Variants in SMARCAD1 observed in about 807,000 individuals in gnomAD.
SMARCAD1 encodes SNF2 related chromatin remodeling ATPase with DExD box 1.
A neutral mutation model predicts 127.1 loss-of-function variants in SMARCAD1; 25 were observed. That is an observed-to-expected ratio of 0.20 (90% confidence interval 0.14 to 0.27). SMARCAD1 has a LOEUF of 0.27. SMARCAD1 is among the 10% of genes least tolerant of loss of function. SMARCAD1 has a pLI of 1.00. For missense variants in SMARCAD1, 807 were observed against 1,206.0 expected (o/e 0.67, Z 4.90); for synonymous variants, 400 against 396.9 (o/e 1.01, Z -0.09).
At chr4:94,282,425 T>G (rs539195177) in intron 21 of SMARCAD1, among the ~76,000 whole-genome samples, 3 of 152,072 alleles carry the variant, frequency 2.0e-5, no homozygotes, top group Non-Finnish European at 4.4e-5. Context: ...CTATTAGAAT[T>G]GTATTTTTTA....
intron 4 of SMARCAD1, among the ~76,000 whole-genome samples, chr4:94,234,521 A>G (rs1413264380): frequency 6.6e-6 from 1 of 152,222 alleles, no homozygotes; most frequent in Non-Finnish European, 1.5e-5. Context: ...CTGCAGTACT[A>G]AGGACAGTCC....
intron 16 of SMARCAD1, 111 bp from the exon 17 acceptor site, chr4:94,278,311 A>G: frequency 1.1e-6 from 1 of 948,140 alleles, no homozygotes; most frequent in Middle Eastern, 2.9e-4. Flanking sequence ...AAGTTTCTGC[A>G]GAAAATAACT....
At chr4:94,280,039 A>G (rs961357428) in intron 19 of SMARCAD1, among the ~76,000 whole-genome samples, 2 of 151,728 alleles carry the variant, frequency 1.3e-5, no homozygotes, top group Non-Finnish European at 2.9e-5. Context: ...TAATTTTTGT[A>G]TTTTTAGTAG....
chr4:94,262,471 G>C (rs987516702), intron 9 of SMARCAD1, among the ~76,000 whole-genome samples: 1 of 152,010 alleles, frequency 6.6e-6, no homozygotes, highest in African/African-American at 2.4e-5. Flanking sequence ...ATAGTTTTTT[G>C]CTCTCAAGCC....
intron 10 of SMARCAD1, among the ~76,000 whole-genome samples, chr4:94,265,563 T>C (rs1372531425): frequency 6.6e-6 from 1 of 151,810 alleles, no homozygotes; most frequent in Non-Finnish European, 1.5e-5. Context: ...TTTGTAATTG[T>C]GATCGCCCAC....
intron 19 of SMARCAD1, among the ~76,000 whole-genome samples, chr4:94,280,143 G>A (rs918074715): frequency 2.0e-5 from 3 of 152,250 alleles, no homozygotes; most frequent in Admixed American, 1.3e-4. Flanking sequence ...GGGATTATAG[G>A]CGTGAGCCAC....
chr4:94,276,746 A>G (rs989332982), intron 15 of SMARCAD1, among the ~76,000 whole-genome samples: 1 of 152,208 alleles, frequency 6.6e-6, no homozygotes, highest in African/African-American at 2.4e-5. Context: ...TCTATATGTT[A>G]AACTATTTAT....
At chr4:94,266,824 G>T (rs1441136526) in intron 10 of SMARCAD1, among the ~76,000 whole-genome samples, 1 of 152,046 alleles carries the variant, frequency 6.6e-6, no homozygotes, top group Non-Finnish European at 1.5e-5. Flanking sequence ...AAGAAAGTTT[G>T]CCTTTTAGAA....
chr4:94,276,594 G>A (rs1753336477), intron 15 of SMARCAD1, 120 bp downstream of exon 15: 4 of 1,287,694 alleles, frequency 3.1e-6, no homozygotes, highest in Non-Finnish European at 4.3e-6. Flanking sequence ...AGTATTCTGT[G>A]TTAGCAAGTT....
At chr4:94,261,437 A>G (rs1398074161) in intron 9 of SMARCAD1, among the ~76,000 whole-genome samples, 2 of 152,190 alleles carry the variant, frequency 1.3e-5, no homozygotes, top group East Asian at 3.8e-4. Flanking sequence ...TTACCTCTCC[A>G]TGTGTTTCTG....
intron 2 of SMARCAD1, among the ~76,000 whole-genome samples, chr4:94,211,829 T>C (rs1303394143): frequency 6.6e-6 from 1 of 152,182 alleles, no homozygotes; most frequent in Non-Finnish European, 1.5e-5. Context: ...CTCAGTAAAA[T>C]GTCACCTTTT....
At chr4:94,282,375 CG>C (rs1579359530) in intron 21 of SMARCAD1, among the ~76,000 whole-genome samples, 2 of 151,762 alleles carry the variant, frequency 1.3e-5, no homozygotes, top group Admixed American at 6.6e-5. Context: ...GGATTACAGG[CG>C]TGAGCCACCG....
intron 2 of SMARCAD1, among the ~76,000 whole-genome samples, chr4:94,212,065 T>C (rs1742354103): frequency 6.6e-6 from 1 of 152,252 alleles, no homozygotes; most frequent in Admixed American, 6.5e-5. Context: ...TTTATCTCCA[T>C]TGTTCAGGGC....
chr4:94,253,667 C>T, intron 9 of SMARCAD1: 1 of 1,021,518 alleles, frequency 9.8e-7, no homozygotes, highest in Non-Finnish European at 1.2e-6. Context: ...AAGGCATAAG[C>T]ACTGGTAAGT....
At chr4:94,241,578 G>C (rs2096543981) in intron 6 of SMARCAD1, among the ~76,000 whole-genome samples, 2 of 152,102 alleles carry the variant, frequency 1.3e-5, no homozygotes, top group Non-Finnish European at 2.9e-5. Flanking sequence ...CCATAATAGT[G>C]GTGTTTCCAG....
rs1741613059 is a variant in SMARCAD1 at position 94,208,437 on chromosome 4, A to G, written c.43A>G (p.Asn15Asp). ...NLDRFRFEKR[N>D]KIEEAPEATP... ...GGACCGTTTTCGCTTTGAGAAAAGG[A>G]ATAAGATTGAGGAAGCGCCCGAAGC... The change falls in exon 2 of 24, where the codon AAT becomes GAT. Residue 15 changes from asparagine (N) to aspartate (D), a missense_variant. Asn to Asp is a conservative substitution (Grantham distance 23). This residue lies in a region of SMARCAD1 where 175 missense variants were observed against 169.5 expected (regional missense o/e 1.03). Coordinates refer to ENST00000354268, the MANE Select transcript of SMARCAD1 (RefSeq NM_020159.5). 6.2e-7 allele frequency: 1 copy of G among 1,614,136 alleles called. No homozygotes were observed. The highest frequency in any genetic ancestry group is 1.7e-5 in the Admixed American group (1 of 60,020).
rs200869648 is a variant in SMARCAD1, at chr4:94,272,784, ATTTCT to A, written c.1573-819_1573-815del. On this transcript the variant is annotated intron_variant, in intron 11 of 23. Coordinates refer to ENST00000354268, the MANE Select transcript of SMARCAD1 (RefSeq NM_020159.5). ...TCTGTTGGATATGAATATTTAGGTT[ATTTCT>A]TTTCTTTTCTTTTTTCTTTCTTTCC... is the stretch of plus-strand genomic sequence containing the variant. Among the ~76,000 whole-genome samples the A allele has an allele frequency of 6.6e-3, 993 of 151,584 alleles. 5 individuals carry two copies. Among genetic ancestry groups the A allele is most frequent in the Middle Eastern group, 0.054 (16 of 294 alleles).
At chr4:94,228,417 T>C (rs1209223704) in intron 3 of SMARCAD1, among the ~76,000 whole-genome samples, 3 of 152,198 alleles carry the variant, frequency 2.0e-5, no homozygotes, top group Non-Finnish European at 1.5e-5. Flanking sequence ...AGGTCATTCA[T>C]TCATTTGCAT....
chr4:94,272,238 C>T (rs1752638908), intron 11 of SMARCAD1, among the ~76,000 whole-genome samples: 1 of 152,186 alleles, frequency 6.6e-6, no homozygotes, highest in Non-Finnish European at 1.5e-5. Context: ...AAAGCCTTGT[C>T]TCTAAATACA....
Sources: allele counts gnomAD v4.1 joint callset (sites outside exome capture counted in the v4.1 genomes callset), GRCh38; gene constraint gnomAD v4.1.1; regional missense constraint gnomAD v4.1.1; transcripts MANE v1.5; gene names NCBI Gene and HGNC (gene_info 2026-07-23, HGNC 2026-07-21).